The following ROBO2 variants were observed in gnomAD, a reference collection of about 807,000 sequenced individuals.
ROBO2 encodes roundabout guidance receptor 2, also known as roundabout homolog 2.
ROBO2 carries 53 observed loss-of-function variants against 160.8 expected under a neutral mutation model. The ratio of observed to expected loss-of-function variants is 0.33; its 90% CI spans 0.26 to 0.41. ROBO2 has a LOEUF of 0.41. Among genes scored for constraint, ROBO2 ranks in the 10% least tolerant of loss-of-function variants. The pLI, the probability that ROBO2 is intolerant of heterozygous loss-of-function variation, is 1.00. For missense variants in ROBO2, 1,577 were observed against 1,722.4 expected (o/e 0.92, Z 1.49); for synonymous variants, 664 against 611.7 (o/e 1.09, Z -1.26).
intron 5 of ROBO2, among the ~76,000 whole-genome samples, chr3:77,503,564 A>T (rs1384399033): frequency 1.4e-5 from 2 of 146,064 alleles, no homozygotes; most frequent in East Asian, 2.0e-4. Flanking sequence ...AATAAATAAA[A>T]TAATAATAAG....
intron 1 of ROBO2, among the ~76,000 whole-genome samples, chr3:77,057,791 G>T (rs1024939270): frequency 6.6e-6 from 1 of 151,792 alleles, no homozygotes; most frequent in African/African-American, 2.4e-5. Context: ...GGATGGTCTC[G>T]ATCTCCTGAC....
chr3:77,288,915 A>C (rs2060817616), intron 2 of ROBO2, among the ~76,000 whole-genome samples: 1 of 140,484 alleles, frequency 7.1e-6, no homozygotes, highest in Non-Finnish European at 1.5e-5. Context: ...AGTTAGAAGT[A>C]AAGTTGTCAA....
chr3:76,298,965 A>G (rs1227773030), intron 2 of ROBO2, among the ~76,000 whole-genome samples: 1 of 152,192 alleles, frequency 6.6e-6, no homozygotes, highest in Non-Finnish European at 1.5e-5. Flanking sequence ...TGTAGATGTT[A>G]TTCTCTTCTA....
intron 2 of ROBO2, among the ~76,000 whole-genome samples, chr3:76,210,435 A>G (rs1302564345): frequency 6.6e-6 from 1 of 152,084 alleles, no homozygotes; most frequent in Non-Finnish European, 1.5e-5. Flanking sequence ...ACTAGGCACA[A>G]ATCAATTTTA....
intron 2 of ROBO2, among the ~76,000 whole-genome samples, chr3:76,987,714 C>T (rs1029347239): frequency 6.6e-6 from 1 of 152,016 alleles, no homozygotes; most frequent in African/African-American, 2.4e-5. Context: ...CAAAACGACC[C>T]ATCAGTTCTC....
chr3:76,539,502 C>T (rs1318396574), intron 2 of ROBO2, among the ~76,000 whole-genome samples: 2 of 151,948 alleles, frequency 1.3e-5, no homozygotes, highest in African/African-American at 2.4e-5. Context: ...AAAAAATGTT[C>T]GAGTTGTATT....
At chr3:76,659,099 T>C (rs1258434482) in intron 2 of ROBO2, among the ~76,000 whole-genome samples, 1 of 151,986 alleles carries the variant, frequency 6.6e-6, no homozygotes, top group Non-Finnish European at 1.5e-5. Flanking sequence ...CTTAGAAACA[T>C]TTGAGGGAGG....
chr3:77,030,523 A>C (rs2063253636), intron 2 of ROBO2, among the ~76,000 whole-genome samples: 1 of 152,198 alleles, frequency 6.6e-6, no homozygotes, highest in Non-Finnish European at 1.5e-5. Context: ...GTCATAACAA[A>C]GTAATACAAA....
intron 2 of ROBO2, among the ~76,000 whole-genome samples, chr3:77,223,767 G>A (rs2086130521): frequency 6.6e-6 from 1 of 151,972 alleles, no homozygotes; most frequent in Non-Finnish European, 1.5e-5. Flanking sequence ...TCAGAAAATA[G>A]TACAAAACTT....
chr3:76,834,901 T>C (rs2067543700), intron 2 of ROBO2, among the ~76,000 whole-genome samples: 2 of 152,202 alleles, frequency 1.3e-5, no homozygotes, highest in South Asian at 4.1e-4. Flanking sequence ...ACATTTGCCG[T>C]TCTGTTTACA....
In ROBO2 at chr3:76,967,380, A is replaced by G. The variant is rs531613204; in HGVS notation, c.110-130634A>G. 1.1e-4 allele frequency among the ~76,000 whole-genome samples: 16 copies of G among 151,840 alleles called. No homozygotes were observed. The South Asian group carries it at 3.3e-3, about 32-fold the overall frequency. ...GCAACCACGCCCAGCTAATTTTTGT[A>G]TTCTTGGTAGAGATGGAGTTTCCGC... On this transcript the variant is annotated intron_variant, in intron 2 of 26. Transcript: ENST00000487694.
At chr3:77,170,577 G>A (rs1323529998) in intron 2 of ROBO2, among the ~76,000 whole-genome samples, 1 of 151,964 alleles carries the variant, frequency 6.6e-6, no homozygotes, top group Non-Finnish European at 1.5e-5. Context: ...TGTGGCACAC[G>A]TCACTTTATT....
intron 2 of ROBO2, among the ~76,000 whole-genome samples, chr3:75,959,426 T>A (rs935388602): frequency 2.6e-5 from 4 of 151,678 alleles, no homozygotes; most frequent in African/African-American, 9.7e-5. Flanking sequence ...TAAAAAAGGG[T>A]TGAGCAGGTT....
intron 2 of ROBO2, among the ~76,000 whole-genome samples, chr3:76,858,500 G>T (rs949329636): frequency 1.3e-5 from 2 of 152,150 alleles, no homozygotes; most frequent in African/African-American, 4.8e-5. Context: ...CTGAGCTCAG[G>T]CAATCTGCCT....
intron 2 of ROBO2, among the ~76,000 whole-genome samples, chr3:77,175,719 C>A (rs2150785251): frequency 6.6e-6 from 1 of 151,998 alleles, no homozygotes; most frequent in South Asian, 2.1e-4. Context: ...TCAAGGCAAG[C>A]AGGGAGAGAG....
chr3:76,132,399 G>GT (rs1392175020), intron 2 of ROBO2, among the ~76,000 whole-genome samples: 1 of 133,614 alleles, frequency 7.5e-6, no homozygotes, highest in Non-Finnish European at 1.7e-5. Flanking sequence ...ACTGTTGGGG[G>GT]GGGGGGGGGA....
intron 2 of ROBO2, among the ~76,000 whole-genome samples, chr3:76,890,200 T>G (rs1423200768): frequency 6.7e-6 from 1 of 149,946 alleles, no homozygotes; most frequent in Admixed American, 6.7e-5. Flanking sequence ...TGCCAGGCGT[T>G]GAACTAAGAA....
At chr3:77,436,604 T>G (rs2079314848) in intron 2 of ROBO2, among the ~76,000 whole-genome samples, 1 of 151,862 alleles carries the variant, frequency 6.6e-6, no homozygotes, top group African/African-American at 2.4e-5. Flanking sequence ...TTTTGAAGAT[T>G]CGAATATGGT....
chr3:77,495,878 A>G (rs2086720716), intron 5 of ROBO2, among the ~76,000 whole-genome samples: 1 of 152,210 alleles, frequency 6.6e-6, no homozygotes, highest in African/African-American at 2.4e-5. Context: ...GAATTAAGAT[A>G]AAATAAAAAT....
Sources: gnomAD v4.1 joint callset for allele counts (sites outside exome capture counted in the v4.1 genomes callset) on GRCh38, gnomAD v4.1.1 for gene constraint, MANE v1.5 for transcripts, NCBI Gene and HGNC (gene_info 2026-07-23, HGNC 2026-07-21) for gene names.